The following PDE1C variants were observed in gnomAD, a reference collection of about 807,000 sequenced individuals.
The protein encoded by PDE1C is phosphodiesterase 1C, also known as dual specificity calcium/calmodulin-dependent 3',5'-cyclic nucleotide phosphodiesterase 1C.
PDE1C carries 62 observed loss-of-function variants against 93.1 expected under a neutral mutation model. That is an observed-to-expected ratio of 0.67 (90% CI 0.54 to 0.82). PDE1C has a LOEUF of 0.82. Ranked by LOEUF, PDE1C falls within the 40% of genes least tolerant of loss-of-function variation. The pLI is 0.00. For missense variants in PDE1C, 742 were observed against 884.6 expected, an observed-to-expected ratio of 0.84 and a Z score of 2.04; for synonymous variants, 325 against 310.1, an observed-to-expected ratio of 1.05 and a Z score of -0.50.
the PDE1C span, chr7:31,642,245 C>T: frequency 2.8e-5 from 44 of 1,552,610 alleles, no homozygotes; most frequent in East Asian, 4.9e-5. Flanking sequence ...CCGCTGGAAC[C>T]GCTGCCCCTC....
chr7:31,645,925 G>T, the PDE1C span, among the ~76,000 whole-genome samples: 1 of 152,050 alleles, frequency 6.6e-6, no homozygotes, highest in Non-Finnish European at 1.5e-5. Flanking sequence ...ACCCGATCAC[G>T]TAGTTTGTAA....
chr7:32,410,920 C>T (rs1281453915), intron 1 of PDE1C, among the ~76,000 whole-genome samples: 1 of 152,212 alleles, frequency 6.6e-6, no homozygotes, highest in African/African-American at 2.4e-5. Context: ...ACCCTGACTA[C>T]ACCTTCATTA....
chr7:32,353,683 C>T (rs79083222), intron 1 of PDE1C, among the ~76,000 whole-genome samples: 2,087 of 151,316 alleles, frequency 0.014, 54 homozygotes, highest in African/African-American at 0.048. Context: ...ATTTTCCTTG[C>T]AATTTATTTG....
intron 11 of PDE1C, among the ~76,000 whole-genome samples, chr7:31,832,534 T>C (rs1348760401): frequency 1.3e-5 from 2 of 152,214 alleles, no homozygotes; most frequent in South Asian, 2.1e-4. Flanking sequence ...AAACACTCTA[T>C]AGTGCCATTG....
chr7:32,244,742 G>A (rs1808795590), intron 1 of PDE1C, among the ~76,000 whole-genome samples: 1 of 152,010 alleles, frequency 6.6e-6, no homozygotes, highest in African/African-American at 2.4e-5. Context: ...GAAACCTGAT[G>A]CATGGTGTTT....
chr7:31,891,532 C>G (rs10280033), intron 2 of PDE1C, among the ~76,000 whole-genome samples: 14,807 of 152,006 alleles, frequency 0.097, 1,045 homozygotes, highest in East Asian at 0.26. Context: ...AGCATTTTGA[C>G]AAAAATGAGA....
intron 3 of PDE1C, among the ~76,000 whole-genome samples, chr7:32,154,467 C>T (rs138070342): frequency 5.0e-3 from 754 of 152,202 alleles, no homozygotes; most frequent in African/African-American, 0.017. Flanking sequence ...GTACATTATC[C>T]AAACCAGGAA....
intron 2 of PDE1C, among the ~76,000 whole-genome samples, chr7:31,970,847 G>A (rs576470825): frequency 6.6e-6 from 1 of 152,198 alleles, no homozygotes; most frequent in East Asian, 1.9e-4. Context: ...AAAAGAGAGA[G>A]ATGACAGAAA....
intron 2 of PDE1C, among the ~76,000 whole-genome samples, chr7:31,967,302 C>G (rs967269219): frequency 3.3e-5 from 5 of 152,200 alleles, no homozygotes; most frequent in Admixed American, 3.3e-4. Flanking sequence ...CACAGAAATA[C>G]AAACTACTAT....
chr7:31,802,373 C>A (rs2128693693), intron 16 of PDE1C, among the ~76,000 whole-genome samples: 1 of 151,654 alleles, frequency 6.6e-6, no homozygotes, highest in East Asian at 1.9e-4. Context: ...GGACTTTTTG[C>A]TACTGTAGTC....
intron 3 of PDE1C, among the ~76,000 whole-genome samples, chr7:32,153,899 C>A (rs1221892773): frequency 6.6e-6 from 1 of 152,204 alleles, no homozygotes; most frequent in African/African-American, 2.4e-5. Flanking sequence ...CCCCACAACA[C>A]ACACATCAAA....
chr7:32,345,218 C>A (rs544924312), intron 1 of PDE1C, among the ~76,000 whole-genome samples: 9 of 152,194 alleles, frequency 5.9e-5, no homozygotes, highest in Non-Finnish European at 1.2e-4. Context: ...TCCTGTCAAT[C>A]ATCCCTAAGC....
chr7:32,078,033 T>C, intron 3 of PDE1C: 1 of 985,338 alleles, frequency 1.0e-6, no homozygotes. Context: ...CAACCCAGTA[T>C]AATTAACTTG....
intron 1 of PDE1C, among the ~76,000 whole-genome samples, chr7:32,233,775 T>C (rs1315989235): frequency 6.6e-6 from 1 of 152,096 alleles, no homozygotes; most frequent in East Asian, 1.9e-4. Flanking sequence ...ATAGAATGAT[T>C]AACCAGAAAA....
chr7:32,175,757 G>A (rs192975559), intron 2 of PDE1C, among the ~76,000 whole-genome samples: 18 of 152,270 alleles, frequency 1.2e-4, no homozygotes, highest in East Asian at 1.9e-4. Flanking sequence ...TTTCATGAGC[G>A]TCCTATCTAT....
At chr7:31,966,321 A>G (rs1489006257) in intron 2 of PDE1C, among the ~76,000 whole-genome samples, 4 of 152,210 alleles carry the variant, frequency 2.6e-5, no homozygotes, top group Non-Finnish European at 5.9e-5. Context: ...AGTCTCAGAT[A>G]AAACAGACTT....
intron 1 of PDE1C, among the ~76,000 whole-genome samples, chr7:32,321,859 T>G (rs1219726068): frequency 6.6e-6 from 1 of 152,194 alleles, no homozygotes; most frequent in East Asian, 1.9e-4. Flanking sequence ...TGTTCAAATC[T>G]CCTTAATCCA....
chr7:32,010,830 A>G (rs1334434621), intron 2 of PDE1C, among the ~76,000 whole-genome samples: 2 of 152,118 alleles, frequency 1.3e-5, no homozygotes, highest in African/African-American at 4.8e-5. Flanking sequence ...TCCTTTTTAT[A>G]AGGACACCAG....
Position 31,997,196 on chromosome 7 carries a change from A to T in PDE1C, c.128+54358T>A, listed in dbSNP as rs534014409. Among the ~76,000 whole-genome samples the T allele has an allele frequency of 7.9e-5, 12 of 152,310 alleles. 1 individual carries two copies. The South Asian group carries it at 2.5e-3, about 32-fold the overall frequency. ...TAGACAGGACTGGGTTCAGATTAGG[A>T]ACTACAACATTGGACAAATTACTTA... On this transcript the variant is annotated intron_variant, in intron 2 of 17. Coordinates refer to ENST00000396191, the MANE Select transcript of PDE1C (RefSeq NM_001191057.4).
Sources: allele counts gnomAD v4.1 joint callset (sites outside exome capture counted in the v4.1 genomes callset), GRCh38; gene constraint gnomAD v4.1.1; transcripts MANE v1.5; gene names NCBI Gene and HGNC (gene_info 2026-07-23, HGNC 2026-07-21).